PCDHA13: variants seen among roughly 807,000 people sequenced by gnomAD.
The protein encoded by PCDHA13 is protocadherin alpha-13.
PCDHA13 carries 54 observed loss-of-function variants against 64.8 expected under a neutral mutation model. That is an observed-to-expected ratio of 0.83 (90% CI 0.67 to 1.04). The LOEUF (loss-of-function observed/expected upper bound fraction) is 1.04. PCDHA13 is among the 50% of genes least tolerant of loss of function. The pLI, the probability that PCDHA13 is intolerant of heterozygous loss-of-function variation, is 0.00. For missense variants in PCDHA13, 1,248 were observed against 1,254.3 expected, an observed-to-expected ratio of 0.99 and a Z score of 0.08; for synonymous variants, 587 against 564.4, an observed-to-expected ratio of 1.04 and a Z score of -0.57.
chr5:140,928,829 T>C, intron 1 of PCDHA13: 1 of 1,614,170 alleles, frequency 6.2e-7, no homozygotes, highest in Non-Finnish European at 8.5e-7. Context: ...GACCCACCAC[T>C]TTCCTCCTCT....
intron 3 of PCDHA13, among the ~76,000 whole-genome samples, chr5:140,986,019 G>T (rs562523452): frequency 1.3e-5 from 2 of 152,036 alleles, no homozygotes; most frequent in African/African-American, 2.4e-5. Flanking sequence ...GATTACAGGC[G>T]TGAGCCACTG....
Position 141,010,476 on chromosome 5 carries a change from G to T in PCDHA13, c.*539G>T. ...GAAGTTATCAGTATGGAGGGGAAGT[G>T]TAAACTTAAAGGGACCAGACTTTCT... is the stretch of plus-strand genomic sequence containing the variant. On this transcript the variant is annotated 3_prime_UTR_variant, in exon 4 of 4. Coordinates refer to ENST00000289272, the MANE Select transcript of PCDHA13 (RefSeq NM_018904.3). 1.3e-6 allele frequency: 1 copy of T among 752,476 alleles called. No individual in the cohort carries two copies. Among genetic ancestry groups the T allele is most frequent in the Non-Finnish European group, 2.0e-6 (1 of 499,640 alleles). The allele number at this position is 752,476 out of a possible 1,614,324, so 46.6% of individuals were successfully genotyped here. A position where few individuals can be genotyped will look rare whatever the true frequency, so the allele number is the denominator to read the frequency against.
intron 1 of PCDHA13, among the ~76,000 whole-genome samples, chr5:140,887,368 T>C (rs2061428699): frequency 6.6e-6 from 1 of 152,174 alleles, no homozygotes; most frequent in Non-Finnish European, 1.5e-5. Context: ...AGTGCTGGGA[T>C]TACAGGTGTG....
rs2098419589 is a variant in PCDHA13 at position 141,011,142 on chromosome 5, C to A, written c.*1205C>A. 1 of 153,660 alleles carries A rather than the reference C, an allele frequency of 6.5e-6. No individual in the cohort carries two copies. The highest frequency in any genetic ancestry group is 2.1e-4 in the South Asian group (1 of 4,820). 9.5% of individuals were successfully genotyped at this position (153,660 alleles called of 1,614,324 possible). On this transcript the variant is annotated 3_prime_UTR_variant, in exon 4 of 4. Transcript: ENST00000289272. ...CAATTATGTGCACTTTGATACACAA[C>A]CTTCTCTAACCAACTATATATCAAG...
At position 140,884,496 on chromosome 5, in the gene PCDHA13, G is replaced by T. The variant is rs782182672; in HGVS notation, c.2228G>T (p.Ser743Ile). 6.2e-7 allele frequency: 1 copy of T among 1,614,094 alleles called. No individual in the cohort carries two copies. Among genetic ancestry groups the T allele is most frequent in the Non-Finnish European group, 8.5e-7 (1 of 1,180,000 alleles). Residue 743 changes from serine to isoleucine, a missense_variant, in exon 1 of 4, where the codon AGC (serine) becomes ATC (isoleucine). Ser to Ile is a moderately radical substitution (Grantham distance 142, BLOSUM62 -2). Transcript: ENST00000289272. The stretch of plus-strand genomic sequence containing the variant: ...GGCAAGCCCACTCTAGTGTGCTCCA[G>T]CGCGGCAGGGAGTTGGTCGTACTCG... The part of the protein sequence containing the change: ...APGKPTLVCS[S>I]AAGSWSYSQQ...
chr5:140,935,044 G>C (rs1246943645), intron 1 of PCDHA13, among the ~76,000 whole-genome samples: 1 of 151,942 alleles, frequency 6.6e-6, no homozygotes, highest in African/African-American at 2.4e-5. Context: ...CTTGATTTCT[G>C]GTATTACAAG....
At chr5:140,967,980 A>C in intron 1 of PCDHA13, 1 of 1,614,198 alleles carries the variant, frequency 6.2e-7, no homozygotes, top group South Asian at 1.1e-5. Context: ...CTGGGTCTGG[A>C]GGCCACACTG....
chr5:140,953,873 A>G (rs537538688), intron 1 of PCDHA13, among the ~76,000 whole-genome samples: 53 of 152,258 alleles, frequency 3.5e-4, no homozygotes, highest in African/African-American at 1.3e-3. Context: ...TGCTGCACAG[A>G]TCAACCCATC....
At chr5:140,993,538 A>T (rs1175611433) in intron 3 of PCDHA13, among the ~76,000 whole-genome samples, 1 of 151,668 alleles carries the variant, frequency 6.6e-6, no homozygotes, top group Non-Finnish European at 1.5e-5. Context: ...AGAGAGAGAG[A>T]TAGAGAAGTG....
intron 1 of PCDHA13, among the ~76,000 whole-genome samples, chr5:140,937,927 A>T (rs1376744977): frequency 1.3e-5 from 2 of 149,332 alleles, no homozygotes; most frequent in East Asian, 2.0e-4. Context: ...AAAAAAAAAA[A>T]GTTTAATTTG....
chr5:141,007,779 C>T (rs1378096050), intron 3 of PCDHA13, among the ~76,000 whole-genome samples: 4 of 152,184 alleles, frequency 2.6e-5, no homozygotes, highest in African/African-American at 9.7e-5. Context: ...AATGGTACTG[C>T]TTTACAAATT....
intron 1 of PCDHA13, among the ~76,000 whole-genome samples, chr5:140,977,658 T>C (rs1332848343): frequency 6.6e-6 from 1 of 152,192 alleles, no homozygotes; most frequent in African/African-American, 2.4e-5. Context: ...TTTGGCTAAT[T>C]CTCTGCATGC....
At chr5:140,926,775 G>A (rs1563083910) in intron 1 of PCDHA13, 7 of 1,391,106 alleles carry the variant, frequency 5.0e-6, no homozygotes, top group East Asian at 2.6e-5. Context: ...GCCCGCAGCA[G>A]TGACGGCCGG....
chr5:140,909,711 A>G (rs1473634057), intron 1 of PCDHA13, among the ~76,000 whole-genome samples: 1 of 152,122 alleles, frequency 6.6e-6, no homozygotes, highest in Non-Finnish European at 1.5e-5. Context: ...TGCTAAGTAT[A>G]CCTATGCCAA....
intron 3 of PCDHA13, among the ~76,000 whole-genome samples, chr5:141,007,395 C>CAAAAAAAAAAAAAAAAAA (rs35800918): frequency 1.1e-5 from 1 of 94,866 alleles, no homozygotes; most frequent in African/African-American, 4.3e-5. Context: ...TACTAAAATA[C>CAAAAAAAAAAAAAAAAAA]AAAAAAAAAA....
rs781863404 is a variant in PCDHA13, at chr5:141,010,259, G to C, written c.*322G>C. 6.4e-7 allele frequency: 1 copy of C among 1,551,820 alleles called. No individual in the cohort carries two copies. The highest frequency in any genetic ancestry group is 1.2e-5 in the South Asian group (1 of 84,074). On this transcript the variant is annotated 3_prime_UTR_variant, in exon 4 of 4. Coordinates refer to ENST00000289272, the MANE Select transcript of PCDHA13 (RefSeq NM_018904.3). Reference sequence around the variant, plus strand: ...TGAGAGGTTGGACTCTCTGCCCTGTGCTCCGGGGATCCTGTCTTGATGACA... The same window carrying C: ...TGAGAGGTTGGACTCTCTGCCCTGTCCTCCGGGGATCCTGTCTTGATGACA...
At chr5:140,995,214 C>T (rs1193715389) in intron 3 of PCDHA13, among the ~76,000 whole-genome samples, 2 of 152,136 alleles carry the variant, frequency 1.3e-5, no homozygotes, top group Admixed American at 6.6e-5. Flanking sequence ...AGGCACAATA[C>T]TCTTGTGCTT....
chr5:140,936,034 A>C (rs1554210820), intron 1 of PCDHA13, among the ~76,000 whole-genome samples: 1 of 151,842 alleles, frequency 6.6e-6, no homozygotes, highest in East Asian at 1.9e-4. Context: ...CGGGGATTAC[A>C]GGCACCCACC....
intron 1 of PCDHA13, among the ~76,000 whole-genome samples, chr5:140,946,626 A>G (rs2093985217): frequency 7.5e-6 from 1 of 132,480 alleles, no homozygotes; most frequent in Non-Finnish European, 1.6e-5. Context: ...ATATATATAT[A>G]TATATACAAT....
Sources: gnomAD v4.1 joint callset for allele counts (sites outside exome capture counted in the v4.1 genomes callset) on GRCh38, gnomAD v4.1.1 for gene constraint, MANE v1.5 for transcripts, NCBI Gene and HGNC (gene_info 2026-07-23, HGNC 2026-07-21) for gene names.